AFF3: variants seen among roughly 807,000 people sequenced by gnomAD.
AFF3 encodes the protein ALF transcription elongation factor 3, also known as AF4/FMR2 family member 3.
In AFF3, 32 loss-of-function variants were observed where a neutral mutation model predicts 129.7. The observed-to-expected ratio is 0.25, with a 90% CI of 0.19 to 0.33. AFF3 has a LOEUF of 0.33. Ranked by LOEUF, AFF3 falls within the 10% of genes least tolerant of loss-of-function variation. The pLI, the probability that AFF3 is intolerant of heterozygous loss-of-function variation, is 1.00. For synonymous variants in AFF3, 644 were observed against 635.4 expected (o/e 1.01, Z -0.20); for missense variants, 1,373 against 1,592.0 (o/e 0.86, Z 2.34).
At chr2:100,014,587 G>T (rs1457076459) in intron 4 of AFF3, among the ~76,000 whole-genome samples, 1 of 152,114 alleles carries the variant, frequency 6.6e-6, no homozygotes, top group Non-Finnish European at 1.5e-5. Flanking sequence ...CAGGGCACTG[G>T]CAGGGGTAGC....
intron 2 of AFF3, among the ~76,000 whole-genome samples, chr2:100,128,760 A>G (rs1295240463): frequency 6.6e-6 from 1 of 152,214 alleles, no homozygotes; most frequent in Non-Finnish European, 1.5e-5. Context: ...GAACTCTTTC[A>G]AAAAGGAATG....
intron 7 of AFF3, among the ~76,000 whole-genome samples, chr2:99,873,200 C>T (rs759259215): frequency 2.6e-5 from 4 of 152,154 alleles, no homozygotes; most frequent in East Asian, 1.9e-4. Flanking sequence ...AAATTGGTAA[C>T]GTTTGTTACT....
At chr2:99,556,967 A>G (rs1001008497) in intron 22 of AFF3, among the ~76,000 whole-genome samples, 2 of 152,190 alleles carry the variant, frequency 1.3e-5, no homozygotes, top group African/African-American at 4.8e-5. Context: ...GTTATCAGGA[A>G]TAAGTTCTGG....
intron 24 of AFF3, among the ~76,000 whole-genome samples, chr2:99,553,372 C>T (rs996311470): frequency 1.3e-5 from 2 of 152,166 alleles, no homozygotes; most frequent in Admixed American, 1.3e-4. Flanking sequence ...CATTCCTTAT[C>T]TCATCCTGAA....
intron 11 of AFF3, among the ~76,000 whole-genome samples, chr2:99,702,076 G>A (rs1055503737): frequency 6.6e-6 from 1 of 152,192 alleles, no homozygotes; most frequent in Admixed American, 6.5e-5. Flanking sequence ...AAGCTGCTAT[G>A]AGCCTTCACG....
rs58834889 is a variant in AFF3 at position 99,763,599 on chromosome 2, T to G, written c.922-11298A>C. Among the ~76,000 whole-genome samples the G allele has an allele frequency of 5.2e-3, 799 of 152,266 alleles. 11 individuals are homozygous for G. The highest frequency in any genetic ancestry group is 0.018 in the African/African-American group (764 of 41,546). ...AGCATTTTGATGGAAATACTACTGA[T>G]TGAAAACTTTTAGGAAAATGGTAGC... is the stretch of plus-strand genomic sequence containing the variant. On this transcript the variant is annotated intron_variant, in intron 8 of 24. Coordinates refer to ENST00000672756, the MANE Select transcript of AFF3 (RefSeq NM_001386135.1).
chr2:100,071,227 T>C (rs1688155479), intron 4 of AFF3, among the ~76,000 whole-genome samples: 2 of 152,178 alleles, frequency 1.3e-5, no homozygotes, highest in South Asian at 4.1e-4. Flanking sequence ...ATAGAATGTA[T>C]GCAAAAGCTT....
Position 99,547,469 on chromosome 2 carries a change from G to C in AFF3, c.*4005C>G, listed in dbSNP as rs1474315981. The C allele has an allele frequency of 4.8e-6, 1 of 208,122 alleles. No individual in the cohort carries two copies. Among genetic ancestry groups the C allele is most frequent in the African/African-American group, 2.3e-5 (1 of 43,376 alleles). 12.9% of individuals were successfully genotyped at this position (208,122 alleles called of 1,614,324 possible). A position where few individuals can be genotyped will look rare whatever the true frequency, so the allele number is the denominator to read the frequency against. ...ACACGCAGATTACTGGGTCTGAAGA[G>C]TGTCTACATTGTTAAAAAAATCTTG... On this transcript the variant is annotated 3_prime_UTR_variant, in exon 25 of 25. Coordinates refer to ENST00000672756, the MANE Select transcript of AFF3 (RefSeq NM_001386135.1).
At chr2:99,631,138 CAAAGTCCCAGGACTAGCACTCTAG>C (rs1683083395) in intron 13 of AFF3, 2 of 274,138 alleles carry the variant, frequency 7.3e-6, no homozygotes, top group Admixed American at 1.1e-4. Context: ...CCTCGGCCGC[CAAAGTCCCAGGACTAGCACTCTAG>C]AAATGCATGT....
chr2:99,849,670 T>A (rs946309069), intron 7 of AFF3, among the ~76,000 whole-genome samples: 1 of 152,230 alleles, frequency 6.6e-6, no homozygotes, highest in Non-Finnish European at 1.5e-5. Flanking sequence ...ACATAAAAAG[T>A]ATTTTCGTAT....
intron 7 of AFF3, among the ~76,000 whole-genome samples, chr2:99,844,130 C>T (rs1294167924): frequency 6.6e-6 from 1 of 152,130 alleles, no homozygotes; most frequent in Non-Finnish European, 1.5e-5. Flanking sequence ...CTGAAAGGGA[C>T]TGAGCTAGAC....
At chr2:99,817,128 A>C (rs982422768) in intron 8 of AFF3, among the ~76,000 whole-genome samples, 1 of 152,190 alleles carries the variant, frequency 6.6e-6, no homozygotes, top group Non-Finnish European at 1.5e-5. Context: ...GAGGTTCTGC[A>C]GTGGCTGCTG....
chr2:99,988,181 G>C (rs533176113), intron 7 of AFF3, among the ~76,000 whole-genome samples: 1 of 152,158 alleles, frequency 6.6e-6, no homozygotes, highest in Admixed American at 6.5e-5. Flanking sequence ...GTGAAGGCAG[G>C]GGGAGAAGTG....
At chr2:99,969,225 T>C (rs932721669) in intron 7 of AFF3, among the ~76,000 whole-genome samples, 1 of 152,182 alleles carries the variant, frequency 6.6e-6, no homozygotes, top group Middle Eastern at 3.2e-3. Context: ...GGCCACAGCA[T>C]CACTCCATTT....
At position 100,136,359 on chromosome 2, in the gene AFF3, C is replaced by T. The variant is rs1030721370; in HGVS notation, c.-228+6125G>A. On this transcript the variant is annotated intron_variant, in intron 1 of 24. Transcript: ENST00000672756. Reference sequence around the variant, plus strand: ...GCACCCAAAAGGGAGGCCGAGAAGGCGCGGCCAGTGTGGTAGGAAGAGAGG... The same window carrying T: ...GCACCCAAAAGGGAGGCCGAGAAGGTGCGGCCAGTGTGGTAGGAAGAGAGG... 5.3e-5 allele frequency among the ~76,000 whole-genome samples: 8 copies of T among 152,074 alleles called. No homozygotes were observed. In the East Asian group the frequency reaches 5.8e-4, roughly 11 times the overall value.
At position 100,142,465 on chromosome 2, in the gene AFF3, C is replaced by T. The variant is rs1692928928; in HGVS notation, c.-228+19G>A. 6.6e-6 allele frequency: 1 copy of T among 152,396 alleles called. No individual in the cohort carries two copies. Among genetic ancestry groups the T allele is most frequent in the Admixed American group, 6.5e-5 (1 of 15,282 alleles). The allele number at this position is 152,396 out of a possible 1,614,324, so 9.4% of individuals were successfully genotyped here. ...CAAGGCATCCTAGAGGGCCCGCACA[C>T]CCTCCAGTTTGATCTTACCTCTCAG... On this transcript the variant is annotated intron_variant, in intron 1 of 24. Coordinates refer to ENST00000672756, the MANE Select transcript of AFF3 (RefSeq NM_001386135.1).
intron 8 of AFF3, among the ~76,000 whole-genome samples, chr2:99,755,274 T>G (rs1681997601): frequency 6.6e-6 from 1 of 151,950 alleles, no homozygotes; most frequent in African/African-American, 2.4e-5. Context: ...TTTCCTATTT[T>G]TTTTTTTTTT....
chr2:99,617,419 T>A (rs1344211748), intron 13 of AFF3, among the ~76,000 whole-genome samples: 1 of 152,254 alleles, frequency 6.6e-6, no homozygotes, highest in South Asian at 2.1e-4. Flanking sequence ...ATGTTGAGTA[T>A]CTTTTCATGT....
chr2:99,880,727 A>C (rs1393690516), intron 7 of AFF3, among the ~76,000 whole-genome samples: 1 of 152,166 alleles, frequency 6.6e-6, no homozygotes, highest in Non-Finnish European at 1.5e-5. Context: ...AGCAATCTGG[A>C]ATAATAGTGA....
Sources: gnomAD v4.1 joint callset for allele counts (sites outside exome capture counted in the v4.1 genomes callset) on GRCh38, gnomAD v4.1.1 for gene constraint, MANE v1.5 for transcripts, NCBI Gene and HGNC (gene_info 2026-07-23, HGNC 2026-07-21) for gene names.